Variants in NCLN observed in about 807,000 individuals in gnomAD.
NCLN encodes the protein nicalin.
In NCLN, 34 loss-of-function variants were observed where a neutral mutation model predicts 69.5. The ratio of observed to expected loss-of-function variants is 0.49; its 90% CI spans 0.37 to 0.65. The LOEUF (loss-of-function observed/expected upper bound fraction) is 0.65, where lower values mean the gene tolerates loss of function less well. Among genes scored for constraint, NCLN ranks in the 30% least tolerant of loss-of-function variants. NCLN has a pLI of 0.00. For synonymous variants in NCLN, 393 were observed against 358.3 expected (o/e 1.10, Z -1.09); for missense variants, 710 against 804.8 (o/e 0.88, Z 1.42).
At position 3,190,998 on chromosome 19, in the gene NCLN, C is replaced by T. The variant is rs376792271; in HGVS notation, c.185-1472C>T. Reference sequence around the variant, plus strand: ...GTCTTTCCAGGGCAACTCAGGTGGCCATCGCGGTGTGTGGCGGGCAGCAGG... The same window carrying T: ...GTCTTTCCAGGGCAACTCAGGTGGCTATCGCGGTGTGTGGCGGGCAGCAGG... On this transcript the variant is annotated intron_variant, in intron 1 of 14. Transcript: ENST00000246117. Among the ~76,000 whole-genome samples, 3 of 151,538 alleles carry T rather than the reference C, an allele frequency of 2.0e-5. No individual in the cohort carries two copies. The South Asian group carries it at 6.2e-4, about 31-fold the overall frequency.
chr19:3,197,838 C>T (rs1280553045), intron 4 of NCLN, among the ~76,000 whole-genome samples: 1 of 152,184 alleles, frequency 6.6e-6, no homozygotes, highest in African/African-American at 2.4e-5. Context: ...CCAGGCTGGT[C>T]TGGAACTCCT....
Position 3,201,518 on chromosome 19 carries a change from T to C in NCLN, c.697-5T>C. 1 of 1,549,850 alleles carries C rather than the reference T, an allele frequency of 6.5e-7. No homozygotes were observed. ...ACTGTGGCCTTGCCTCTCCCGTCCC[T>C]GTAGTGGCTGTCGCTGGGCGCGGAC... is the stretch of plus-strand genomic sequence containing the variant. On this transcript the variant is annotated splice_region_variant and splice_polypyrimidine_tract_variant and intron_variant, in intron 5 of 14. Transcript: ENST00000246117.
chr19:3,203,965 CTG>C, intron 7 of NCLN, 38 bp from the exon 8 acceptor site: 1 of 1,543,664 alleles, frequency 6.5e-7, no homozygotes, highest in Non-Finnish European at 8.7e-7. Context: ...GGGCCACTTC[CTG>C]GTCCCCACCC....
At chr19:3,198,056 T>C (rs896444009) in intron 4 of NCLN, among the ~76,000 whole-genome samples, 1 of 152,226 alleles carries the variant, frequency 6.6e-6, no homozygotes, top group African/African-American at 2.4e-5. Flanking sequence ...GAAAGTCTGC[T>C]GGCCCCCGGG....
intron 1 of NCLN, among the ~76,000 whole-genome samples, chr19:3,190,439 C>T (rs113330070): frequency 1.8e-4 from 27 of 152,334 alleles, no homozygotes; most frequent in African/African-American, 6.3e-4. Context: ...GCACCCAGCT[C>T]AGCCCATCAG....
intron 1 of NCLN, among the ~76,000 whole-genome samples, chr19:3,191,613 G>T (rs576562770): frequency 1.3e-5 from 2 of 152,216 alleles, no homozygotes; most frequent in Non-Finnish European, 2.9e-5. Context: ...GGGAAGGGCC[G>T]TCCCCATCTG....
intron 4 of NCLN, among the ~76,000 whole-genome samples, chr19:3,197,442 TG>T (rs1324797664): frequency 6.6e-6 from 1 of 152,104 alleles, no homozygotes; most frequent in African/African-American, 2.4e-5. Flanking sequence ...AGTTTTTGCT[TG>T]TTTGTTTTTG....
chr19:3,193,356 G>A lies in NCLN; in HGVS notation c.448G>A (p.Glu150Lys), dbSNP rs1423212031. The change falls in exon 3 of 15, where the codon GAG (glutamate) becomes AAG (lysine). Residue 150 changes from glutamate to lysine, a missense_variant. Transcript: ENST00000246117. ...AVPVYFAVEDEALLSIYKQTQ... is the reference protein window; with the variant it reads ...AVPVYFAVEDKALLSIYKQTQ... ...CCCCGTGTACTTTGCCGTGGAGGAC[G>A]AGGCCCTGCTGTCTATCTACAAGCA... 16 of 1,612,598 alleles carry A rather than the reference G, an allele frequency of 9.9e-6. No homozygotes were observed. The highest frequency in any genetic ancestry group is 5.3e-5 in the African/African-American group (4 of 74,942).
At chr19:3,191,545 C>T (rs534305867) in intron 1 of NCLN, among the ~76,000 whole-genome samples, 2 of 152,202 alleles carry the variant, frequency 1.3e-5, no homozygotes, top group South Asian at 2.1e-4. Context: ...AGGGGCGCTC[C>T]ATGCTGGTCT....
chr19:3,197,835 G>A (rs1183482187), intron 4 of NCLN, among the ~76,000 whole-genome samples: 2 of 152,166 alleles, frequency 1.3e-5, no homozygotes, highest in Non-Finnish European at 2.9e-5. Context: ...TGGCCAGGCT[G>A]GTCTGGAACT....
chr19:3,197,058 C>G (rs1568312179), intron 4 of NCLN, among the ~76,000 whole-genome samples: 1 of 152,246 alleles, frequency 6.6e-6, no homozygotes, highest in Non-Finnish European at 1.5e-5. Flanking sequence ...CATAGACAGG[C>G]CTTGGCGGAG....
chr19:3,197,695 A>T (rs1916004089), intron 4 of NCLN, among the ~76,000 whole-genome samples: 1 of 148,680 alleles, frequency 6.7e-6, no homozygotes, highest in South Asian at 2.1e-4. Context: ...ATCTCAGCTC[A>T]CTGCAACCTC....
At chr19:3,195,875 G>A (rs1042497828) in intron 3 of NCLN, among the ~76,000 whole-genome samples, 5 of 152,188 alleles carry the variant, frequency 3.3e-5, no homozygotes, top group Non-Finnish European at 7.3e-5. Context: ...AGGCATTTTC[G>A]GGCAGGTCCT....
chr19:3,204,450 C>A, intron 8 of NCLN, 123 bp from the exon 9 acceptor site: 2 of 1,100,430 alleles, frequency 1.8e-6, no homozygotes, highest in Non-Finnish European at 1.2e-6. Context: ...ACCCCGGGGG[C>A]AGGTGGATTT....
At chr19:3,199,689 CT>C (rs71164662) in intron 5 of NCLN, among the ~76,000 whole-genome samples, 265 of 69,528 alleles carry the variant, frequency 3.8e-3, no homozygotes, top group African/African-American at 0.011. Flanking sequence ...CTGCCTCCTC[CT>C]TTTTTTTTTT....
chr19:3,190,266 C>G (rs1460396639), intron 1 of NCLN, among the ~76,000 whole-genome samples: 1 of 152,186 alleles, frequency 6.6e-6, no homozygotes, highest in East Asian at 1.9e-4. Flanking sequence ...ATGTCAGGCT[C>G]TGAGAGGGGA....
chr19:3,196,636 A>G (rs546598228), intron 4 of NCLN, among the ~76,000 whole-genome samples: 1 of 152,120 alleles, frequency 6.6e-6, no homozygotes, highest in Admixed American at 6.5e-5. Context: ...GCCCCCTCTC[A>G]TCACATAACC....
chr19:3,197,414 A>C (rs1437814379), intron 4 of NCLN, among the ~76,000 whole-genome samples: 1 of 152,088 alleles, frequency 6.6e-6, no homozygotes, highest in African/African-American at 2.4e-5. Context: ...CCGGCCCTCT[A>C]CCTGCTTTTG....
chr19:3,203,627 G>A, intron 6 of NCLN, 129 bp from the exon 7 acceptor site: 2 of 796,894 alleles, frequency 2.5e-6, no homozygotes, highest in Non-Finnish European at 4.0e-6. Flanking sequence ...CCCGCCCTAA[G>A]GGGCTGGTCA....
Sources: allele counts gnomAD v4.1 joint callset (sites outside exome capture counted in the v4.1 genomes callset), GRCh38; gene constraint gnomAD v4.1.1; transcripts MANE v1.5; gene names NCBI Gene and HGNC (gene_info 2026-07-23, HGNC 2026-07-21).